Variants in C15orf40 observed in about 807,000 individuals in gnomAD.
C15orf40 encodes UPF0235 protein C15orf40.
In C15orf40, 9 loss-of-function variants were observed where a neutral mutation model predicts 13.9. That is an observed-to-expected ratio of 0.65 (90% CI 0.39 to 1.13). The LOEUF is 1.13. Among genes scored for constraint, C15orf40 ranks in the 50% most tolerant of loss-of-function variants. The pLI, the probability that C15orf40 is intolerant of heterozygous loss-of-function variation, is 0.01. For missense variants in C15orf40, 225 were observed against 188.5 expected (o/e 1.19, Z -1.13); for synonymous variants, 95 against 69.2 (o/e 1.37, Z -1.85).
chr15:83,006,328 TA>T, intron 3 of C15orf40: 17 of 905,584 alleles, frequency 1.9e-5, no homozygotes, highest in Non-Finnish European at 2.2e-5. Context: ...ATTGCAATTT[TA>T]TATAAACTTT....
At chr15:83,010,114 G>A in intron 2 of C15orf40, 123 bp downstream of exon 2, 2 of 1,287,212 alleles carry the variant, frequency 1.6e-6, no homozygotes, top group South Asian at 1.6e-5. Context: ...AAATGGAGAA[G>A]CCTCTAACTG....
Position 83,004,852 on chromosome 15 carries a change from C to A in C15orf40, c.*745G>T. 7.7e-7 allele frequency: 1 copy of A among 1,294,440 alleles called. No homozygotes were observed. The highest frequency in any genetic ancestry group is 1.3e-5 in the South Asian group (1 of 79,064). The allele number at this position is 1,294,440 out of a possible 1,614,324, so 80.2% of individuals were successfully genotyped here. On this transcript the variant is annotated 3_prime_UTR_variant, in exon 4 of 4. Coordinates refer to ENST00000304177, the MANE Select transcript of C15orf40 (RefSeq NM_144597.3). ...GAAGGCAATCCCCAGAATTCCAGAACCGTTGTGGAGATATGATTTTTAATT... is the reference window on the plus strand; with the variant it reads ...GAAGGCAATCCCCAGAATTCCAGAAACGTTGTGGAGATATGATTTTTAATT...
At chr15:83,008,843 C>G (rs2031844179) in intron 2 of C15orf40, among the ~76,000 whole-genome samples, 168 bp from the exon 3 acceptor site, 1 of 152,162 alleles carries the variant, frequency 6.6e-6, no homozygotes, top group East Asian at 1.9e-4. Context: ...GGAACATGAA[C>G]ATGATAAAAA....
chr15:82,990,516 A>G (rs2151271361), downstream of C15orf40: 2 of 701,380 alleles, frequency 2.9e-6, no homozygotes, highest in East Asian at 2.7e-5. Context: ...TGTACATAAC[A>G]TCAGCAGTTG....
intron 3 of C15orf40, chr15:83,008,319 G>C (rs2031804556): frequency 2.2e-6 from 1 of 444,576 alleles, no homozygotes; most frequent in Non-Finnish European, 4.1e-6. Context: ...AGGAGTTCAA[G>C]ACCAGCCTGA....
At chr15:83,009,204 C>T (rs533400153) in intron 2 of C15orf40, among the ~76,000 whole-genome samples, 2 of 152,338 alleles carry the variant, frequency 1.3e-5, no homozygotes, top group East Asian at 3.9e-4. Context: ...AGAGCACTTA[C>T]TATACACCAA....
At chr15:83,007,618 T>A (rs889513137) in intron 3 of C15orf40, among the ~76,000 whole-genome samples, 1 of 152,238 alleles carries the variant, frequency 6.6e-6, no homozygotes, top group Non-Finnish European at 1.5e-5. Flanking sequence ...TGGCTGGGCA[T>A]GGTGGTTCAC....
At chr15:83,010,016 G>A (rs757824691) in intron 2 of C15orf40, among the ~76,000 whole-genome samples, 2 of 152,276 alleles carry the variant, frequency 1.3e-5, no homozygotes, top group African/African-American at 4.8e-5. Context: ...TTTTAAAGAG[G>A]AAAATATACA....
intron 1 of C15orf40, chr15:83,011,281 G>C: frequency 2.0e-6 from 1 of 498,960 alleles, no homozygotes; most frequent in South Asian, 3.6e-5. Flanking sequence ...CCAGCGCTCA[G>C]AAATCACCAG....
At chr15:82,991,546 T>A (rs28510273), downstream of C15orf40, among the ~76,000 whole-genome samples, 89,892 of 151,566 alleles carry the variant, frequency 0.59, 27,876 homozygotes, top group African/African-American at 0.77. Context: ...CTTCATCTCA[T>A]AAAAAAAACG....
Position 82,998,168 on chromosome 15 carries a change from G to A in C15orf40, c.*7429C>T, listed in dbSNP as rs1220404630. 7.2e-6 allele frequency: 1 copy of A among 139,670 alleles called. No individual in the cohort carries two copies. The highest frequency in any genetic ancestry group is 1.6e-5 in the Non-Finnish European group (1 of 63,358). 8.7% of individuals were successfully genotyped at this position (139,670 alleles called of 1,614,324 possible). A position where few individuals can be genotyped will look rare whatever the true frequency, so the allele number is the denominator to read the frequency against. ...GGACGGGGCGGCTGGCCGGGCGGGG[G>A]GCTGACCCCCCACCTCCCTCCCGGA... On this transcript the variant is annotated 3_prime_UTR_variant, in exon 4 of 4. Transcript: ENST00000304177.
chr15:82,996,999 C>T lies in C15orf40; in HGVS notation c.*8598G>A, dbSNP rs1182486194. The stretch of plus-strand genomic sequence containing the variant: ...AACCACTGCACTCCAGCCTAGGCAA[C>T]AAGAGCGAAACTTCGTCTCAAATAA... On this transcript the variant is annotated 3_prime_UTR_variant, in exon 4 of 4. Coordinates refer to ENST00000304177, the MANE Select transcript of C15orf40 (RefSeq NM_144597.3). The T allele has an allele frequency of 1.3e-5, 2 of 148,968 alleles. No homozygotes were observed. The highest frequency in any genetic ancestry group is 4.9e-5 in the African/African-American group (2 of 40,812). The allele number at this position is 148,968 out of a possible 1,614,324, so 9.2% of individuals were successfully genotyped here.
Position 83,005,638 on chromosome 15 carries a change from C to A in C15orf40, c.421G>T (p.Glu141Ter), listed in dbSNP as rs1365817011. ...VKLLASTTPE[E>*]ILEKLKKEAK... ...TCCTTTTTTAATTTCTCCAAGATCT[C>A]TTCTGGAGTTGTAGAAGCCAAAAGC... The change falls in exon 4 of 4, where the codon GAG (glutamate) becomes TAG (stop). Residue 141 changes from glutamate (E) to a stop codon, truncating the protein, a stop_gained. Transcript: ENST00000304177. LOFTEE classifies it high-confidence loss of function. 6.2e-7 allele frequency: 1 copy of A among 1,612,464 alleles called. No homozygotes were observed. Among genetic ancestry groups the A allele is most frequent in the Admixed American group, 1.7e-5 (1 of 59,872 alleles).
At position 83,002,263 on chromosome 15, in the gene C15orf40, T is replaced by C. The variant is rs2031451028; in HGVS notation, c.*3334A>G. On this transcript the variant is annotated 3_prime_UTR_variant, in exon 4 of 4. Transcript: ENST00000304177. ...CCATATCTTCTTTGTTACAAGATAC[T>C]GCTACGTTTCTCAAAGAAAAAAACT... 6.6e-6 allele frequency: 1 copy of C among 152,228 alleles called. No homozygotes were observed. Among genetic ancestry groups the C allele is most frequent in the Non-Finnish European group, 1.5e-5 (1 of 68,038 alleles). The allele number at this position is 152,228 out of a possible 1,614,324, so 9.4% of individuals were successfully genotyped here.
rs565635076 is a variant in C15orf40 at position 83,011,574 on chromosome 15, G to T, written c.34C>A (p.Arg12=). The T allele has an allele frequency of 3.7e-6, 6 of 1,602,650 alleles. No individual in the cohort carries two copies. The South Asian group carries it at 5.5e-5, about 15-fold the overall frequency. Residue 12 remains arginine (R), a synonymous_variant, in exon 1 of 4, where the codon CGG becomes AGG. Coordinates refer to ENST00000304177, the MANE Select transcript of C15orf40 (RefSeq NM_144597.3). ...GAGCCCCGAGTATTGGGTGTTGCCC[G>T]AAGGTGCCTCAGCCCGCTGCGGAGC... is the stretch of plus-strand genomic sequence containing the variant. ...LRLRSGLRHL[R]ATPNTRGSAR... is the part of the protein sequence containing the mutation.
rs1285866469 is a variant in C15orf40, at chr15:82,999,798, T to C, written c.*5799A>G. 6.6e-6 allele frequency: 1 copy of C among 152,082 alleles called. No individual in the cohort carries two copies. The highest frequency in any genetic ancestry group is 1.5e-5 in the Non-Finnish European group (1 of 68,022). The allele number at this position is 152,082 out of a possible 1,614,324, so 9.4% of individuals were successfully genotyped here. A position where few individuals can be genotyped will look rare whatever the true frequency, so the allele number is the denominator to read the frequency against. ...AGTACGTAACTTGTGGCTGCAAAGT[T>C]TGGGGATTCTTCCCTCCCCAAACTC... On this transcript the variant is annotated 3_prime_UTR_variant, in exon 4 of 4. Coordinates refer to ENST00000304177, the MANE Select transcript of C15orf40 (RefSeq NM_144597.3).
rs1387562216 is a variant in C15orf40 at position 83,010,366 on chromosome 15, A to G, written c.112-3T>C. 1 of 1,614,008 alleles carries G rather than the reference A, an allele frequency of 6.2e-7. No homozygotes were observed. The highest frequency in any genetic ancestry group is 1.1e-5 in the South Asian group (1 of 91,078). ...GGTTCCTTGCTCTGGCTTTTACCCT[A>G]AAATGACAACCACACAACTTTACAG... On this transcript the variant is annotated splice_region_variant and splice_polypyrimidine_tract_variant and intron_variant, in intron 1 of 3. Transcript: ENST00000304177.
At chr15:82,991,973 T>C, downstream of C15orf40, 1 of 1,225,238 alleles carries the variant, frequency 8.2e-7, no homozygotes, top group Non-Finnish European at 1.1e-6. Flanking sequence ...CCCAGCACTC[T>C]GGGAGGCCGA....
At chr15:83,007,244 A>C (rs1464373260) in intron 3 of C15orf40, among the ~76,000 whole-genome samples, 1 of 152,212 alleles carries the variant, frequency 6.6e-6, no homozygotes, top group East Asian at 1.9e-4. Flanking sequence ...AGCAAGGACA[A>C]AGTACTTGAC....
Sources: gnomAD v4.1 joint callset for allele counts (sites outside exome capture counted in the v4.1 genomes callset) on GRCh38, gnomAD v4.1.1 for gene constraint, MANE v1.5 for transcripts, NCBI Gene and HGNC (gene_info 2026-07-23, HGNC 2026-07-21) for gene names.